ZHX2: variants seen among roughly 807,000 people sequenced by gnomAD.
ZHX2 encodes zinc fingers and homeoboxes protein 2.
ZHX2 carries 6 observed loss-of-function variants against 21.9 expected under a neutral mutation model. The observed-to-expected ratio is 0.27, with a 90% CI of 0.15 to 0.54. ZHX2 has a LOEUF of 0.54. Ranked by LOEUF, ZHX2 falls within the 20% of genes least tolerant of loss-of-function variation. ZHX2 has a pLI of 0.95. For synonymous variants in ZHX2, 434 were observed against 437.1 expected (o/e 0.99, Z 0.09); for missense variants, 908 against 1,090.7 (o/e 0.83, Z 2.36).
intron 2 of ZHX2, among the ~76,000 whole-genome samples, chr8:122,887,049 C>CTGTG (rs1313705680): frequency 9.1e-6 from 1 of 110,432 alleles, no homozygotes; most frequent in Non-Finnish European, 1.8e-5. Context: ...TGCTCTGCCA[C>CTGTG]CGTGTGTGTG....
intron 3 of ZHX2, among the ~76,000 whole-genome samples, chr8:122,970,622 AAG>A (rs1391241299): frequency 6.6e-6 from 1 of 152,224 alleles, no homozygotes; most frequent in Non-Finnish European, 1.5e-5. Flanking sequence ...GGTTGGGAGA[AAG>A]AACATCGGTA....
chr8:122,795,908 C>T (rs955760113), intron 1 of ZHX2, among the ~76,000 whole-genome samples: 1 of 152,150 alleles, frequency 6.6e-6, no homozygotes, highest in African/African-American at 2.4e-5. Flanking sequence ...CGATGGCTCA[C>T]GCCTGTAATC....
chr8:122,866,492 G>T (rs1464209921), intron 2 of ZHX2, among the ~76,000 whole-genome samples: 2 of 152,182 alleles, frequency 1.3e-5, no homozygotes, highest in Non-Finnish European at 2.9e-5. Context: ...GACCTTAGTG[G>T]ATAGCAGGAT....
intron 1 of ZHX2, among the ~76,000 whole-genome samples, chr8:122,848,133 A>G (rs893270144): frequency 1.3e-5 from 2 of 152,206 alleles, no homozygotes; most frequent in Non-Finnish European, 2.9e-5. Flanking sequence ...TGAGGAATGA[A>G]TGAGTGAGTA....
chr8:122,879,506 G>GTT (rs150176374), intron 2 of ZHX2, among the ~76,000 whole-genome samples: 2 of 145,046 alleles, frequency 1.4e-5, no homozygotes, highest in East Asian at 2.0e-4. Flanking sequence ...CACCGGGCTG[G>GTT]TTTTTTTTTT....
chr8:122,787,118 A>T (rs1230284911), intron 1 of ZHX2, among the ~76,000 whole-genome samples: 2 of 138,940 alleles, frequency 1.4e-5, no homozygotes, highest in Admixed American at 1.4e-4. Flanking sequence ...TGTGTGTAAA[A>T]CAGACCCCAT....
chr8:122,836,491 G>A lies in ZHX2; in HGVS notation c.-282-26986G>A, dbSNP rs540690498. Among the ~76,000 whole-genome samples, 70 of 152,282 alleles carry A rather than the reference G, an allele frequency of 4.6e-4. No individual in the cohort carries two copies. In the Middle Eastern group the frequency reaches 0.01, roughly 22 times the overall value. On this transcript the variant is annotated intron_variant, in intron 1 of 3. Coordinates refer to ENST00000314393, the MANE Select transcript of ZHX2 (RefSeq NM_014943.5). ...TTGTATCGGTTCGAACCCGGAGAGC[G>A]CGCGTTCGAACCAACAGACAACACG...
chr8:122,908,255 C>G (rs770822585), intron 2 of ZHX2, among the ~76,000 whole-genome samples: 3 of 152,172 alleles, frequency 2.0e-5, no homozygotes, highest in Non-Finnish European at 4.4e-5. Flanking sequence ...AACTGGAGTG[C>G]AATGTGTGAT....
At chr8:122,807,241 T>G (rs1329995010) in intron 1 of ZHX2, among the ~76,000 whole-genome samples, 1 of 152,184 alleles carries the variant, frequency 6.6e-6, no homozygotes, top group Non-Finnish European at 1.5e-5. Context: ...CAACATCACT[T>G]GGGCCCTGAA....
intron 2 of ZHX2, among the ~76,000 whole-genome samples, chr8:122,911,337 C>T (rs1011771372): frequency 6.6e-6 from 1 of 152,070 alleles, no homozygotes; most frequent in African/African-American, 2.4e-5. Context: ...CAGCAGGCAG[C>T]CTCCTGTCTT....
In ZHX2 at chr8:122,820,870, G is replaced by A. The variant is rs564694544; in HGVS notation, c.-283+38924G>A. 5.9e-5 allele frequency among the ~76,000 whole-genome samples: 9 copies of A among 152,278 alleles called. No individual in the cohort carries two copies. In the South Asian group the frequency reaches 6.2e-4, roughly 11 times the overall value. On this transcript the variant is annotated intron_variant, in intron 1 of 3. Transcript: ENST00000314393. Reference sequence around the variant, plus strand: ...CCCTGGCTTCCAAATCAAAGCCAACGGCCAGGTGCCCACACAGGCCCGTGC... The same window carrying A: ...CCCTGGCTTCCAAATCAAAGCCAACAGCCAGGTGCCCACACAGGCCCGTGC...
At chr8:122,918,440 C>T (rs1405311909) in intron 2 of ZHX2, among the ~76,000 whole-genome samples, 1 of 152,198 alleles carries the variant, frequency 6.6e-6, no homozygotes, top group Non-Finnish European at 1.5e-5. Flanking sequence ...TTGCCACAGC[C>T]ACCACCCTCA....
chr8:122,861,503 G>A (rs928322215), intron 1 of ZHX2, among the ~76,000 whole-genome samples: 1 of 152,186 alleles, frequency 6.6e-6, no homozygotes, highest in African/African-American at 2.4e-5. Flanking sequence ...GTTGTGGACT[G>A]TTTTCCTCTT....
Position 122,893,470 on chromosome 8 carries a change from GT to G in ZHX2, c.-220+29932del, listed in dbSNP as rs552506284. ...TATACTGTGAATATTTCACTTTATAGTATCCTATAGGCCCTGTAGGCTTTTT... is the reference window on the plus strand; with the variant it reads ...TATACTGTGAATATTTCACTTTATAGATCCTATAGGCCCTGTAGGCTTTTT... On this transcript the variant is annotated intron_variant, in intron 2 of 3. Transcript: ENST00000314393. Among the ~76,000 whole-genome samples the G allele has an allele frequency of 1.4e-3, 211 of 152,016 alleles. 1 individual carries two copies. Among genetic ancestry groups the G allele is most frequent in the South Asian group, 2.7e-3 (13 of 4,816 alleles).
In ZHX2 at chr8:122,944,400, G is replaced by A. The variant is rs1812917101; in HGVS notation, c.-219-6892G>A. On this transcript the variant is annotated intron_variant, in intron 2 of 3. Coordinates refer to ENST00000314393, the MANE Select transcript of ZHX2 (RefSeq NM_014943.5). Reference sequence around the variant, plus strand: ...TAAGAAGAGGAAAGTTGCCTCCCCTGGAAAGCCTTTATCTACCCTCCCCCA... The same window carrying A: ...TAAGAAGAGGAAAGTTGCCTCCCCTAGAAAGCCTTTATCTACCCTCCCCCA... Among the ~76,000 whole-genome samples the A allele has an allele frequency of 2.6e-5, 4 of 152,008 alleles. No homozygotes were observed. The South Asian group carries it at 8.3e-4, about 32-fold the overall frequency.
At chr8:122,785,716 G>C (rs974438415) in intron 1 of ZHX2, among the ~76,000 whole-genome samples, 4 of 152,324 alleles carry the variant, frequency 2.6e-5, no homozygotes, top group African/African-American at 9.6e-5. Context: ...TTGTTGAGTT[G>C]GCAGGGAGGG....
intron 2 of ZHX2, among the ~76,000 whole-genome samples, chr8:122,867,124 G>T (rs1819319992): frequency 6.6e-6 from 1 of 152,042 alleles, no homozygotes; most frequent in Non-Finnish European, 1.5e-5. Flanking sequence ...ATGAGCTACT[G>T]CACCCAGCCC....
chr8:122,959,488 C>T (rs1006807143), intron 3 of ZHX2, among the ~76,000 whole-genome samples: 18 of 152,168 alleles, frequency 1.2e-4, no homozygotes, highest in Non-Finnish European at 2.6e-4. Context: ...CAGACCCTTA[C>T]CGGCAGGGAC....
intron 2 of ZHX2, among the ~76,000 whole-genome samples, chr8:122,915,005 T>C (rs929319992): frequency 1.3e-5 from 2 of 152,238 alleles, no homozygotes; most frequent in African/African-American, 4.8e-5. Context: ...AGGCATGCTG[T>C]GGCCCTCCAC....
Sources: allele counts gnomAD v4.1 joint callset (sites outside exome capture counted in the v4.1 genomes callset), GRCh38; gene constraint gnomAD v4.1.1; transcripts MANE v1.5; gene names NCBI Gene and HGNC (gene_info 2026-07-23, HGNC 2026-07-21).